Variants in GPHN observed in about 807,000 individuals in gnomAD.
The protein encoded by GPHN is gephyrin.
In GPHN, 17 loss-of-function variants were observed where a neutral mutation model predicts 95.5. The ratio of observed to expected loss-of-function variants is 0.18; its 90% confidence interval spans 0.12 to 0.27. The LOEUF (loss-of-function observed/expected upper bound fraction) is 0.27, where lower values mean the gene tolerates loss of function less well. Ranked by LOEUF, GPHN falls within the 10% of genes least tolerant of loss-of-function variation. GPHN has a pLI of 1.00. For synonymous variants in GPHN, 320 were observed against 322.5 expected (o/e 0.99, Z 0.08); for missense variants, 660 against 978.1 (o/e 0.67, Z 4.34).
the GPHN span, among the ~76,000 whole-genome samples, chr14:67,325,193 C>CTG: frequency 1.3e-5 from 2 of 152,200 alleles, no homozygotes; most frequent in African/African-American, 2.4e-5. Flanking sequence ...GCGTGAGCCA[C>CTG]CAGGCCCAGC....
intron 9 of GPHN, among the ~76,000 whole-genome samples, chr14:66,999,495 T>C (rs116270046): frequency 2.3e-3 from 352 of 152,028 alleles, no homozygotes; most frequent in African/African-American, 8.2e-3. Flanking sequence ...TCTTATTTAG[T>C]CATTTGATAA....
intron 9 of GPHN, among the ~76,000 whole-genome samples, chr14:66,974,683 T>A (rs2070091755): frequency 6.6e-6 from 1 of 152,128 alleles, no homozygotes; most frequent in South Asian, 2.1e-4. Flanking sequence ...ATTTTTAAAA[T>A]TCACATAAAA....
chr14:67,665,057 G>A, the GPHN span, among the ~76,000 whole-genome samples: 8 of 152,232 alleles, frequency 5.3e-5, no homozygotes, highest in South Asian at 1.5e-3. Context: ...GGTAGAGAGG[G>A]GGTTTAACCA....
At chr14:67,452,325 C>CAAAA in the GPHN span, among the ~76,000 whole-genome samples, 2 of 107,914 alleles carry the variant, frequency 1.9e-5, no homozygotes, top group Admixed American at 9.4e-5. Flanking sequence ...GACTCTGTCT[C>CAAAA]AAAAAAAAAA....
At chr14:67,211,525 T>C in the GPHN span, among the ~76,000 whole-genome samples, 2 of 152,184 alleles carry the variant, frequency 1.3e-5, no homozygotes, top group Non-Finnish European at 1.5e-5. Flanking sequence ...ACAATGACCA[T>C]ATTCGAATGT....
At chr14:67,199,889 C>T in the GPHN span, 39 of 1,485,546 alleles carry the variant, frequency 2.6e-5, no homozygotes, top group Non-Finnish European at 3.2e-5. Context: ...GGCCCCCCAT[C>T]GGCAGGAACC....
intron 1 of GPHN, among the ~76,000 whole-genome samples, chr14:66,555,554 A>C (rs537974926): frequency 2.0e-5 from 3 of 152,232 alleles, no homozygotes; most frequent in Admixed American, 2.0e-4. Flanking sequence ...ATGTAGAAAG[A>C]TGGATTTCAT....
chr14:67,203,718 G>C, the GPHN span, among the ~76,000 whole-genome samples: 1 of 151,990 alleles, frequency 6.6e-6, no homozygotes, highest in Admixed American at 6.6e-5. Context: ...ACATTCTGAC[G>C]TGTTTTGTTT....
chr14:67,310,276 GA>G, the GPHN span, among the ~76,000 whole-genome samples: 2 of 152,260 alleles, frequency 1.3e-5, no homozygotes, highest in South Asian at 2.1e-4. Flanking sequence ...CATCTAGAAT[GA>G]GGTTCTTTAG....
At chr14:67,360,300 A>C in the GPHN span, 1 of 398,648 alleles carries the variant, frequency 2.5e-6, no homozygotes, top group East Asian at 3.6e-5. Flanking sequence ...CTATTCGTTC[A>C]GCGCTTGCGC....
chr14:67,342,316 G>A, the GPHN span, among the ~76,000 whole-genome samples: 1 of 151,630 alleles, frequency 6.6e-6, no homozygotes, highest in South Asian at 2.1e-4. Flanking sequence ...TACCCTTCTA[G>A]TGTCTTTTCT....
intron 10 of GPHN, among the ~76,000 whole-genome samples, chr14:67,028,491 T>TA (rs2074034053): frequency 2.0e-5 from 3 of 152,196 alleles, no homozygotes; most frequent in Non-Finnish European, 2.9e-5. Flanking sequence ...CAACAGTGTA[T>TA]AAGAGTTCCC....
chr14:67,664,084 A>ATGTT, the GPHN span, among the ~76,000 whole-genome samples: 11 of 152,256 alleles, frequency 7.2e-5, no homozygotes, highest in South Asian at 4.1e-4. Flanking sequence ...ATCATTTACA[A>ATGTT]TGTTTGTTTG....
intron 1 of GPHN, among the ~76,000 whole-genome samples, chr14:66,525,386 A>C (rs1306414396): frequency 6.6e-6 from 1 of 151,996 alleles, no homozygotes; most frequent in African/African-American, 2.4e-5. Flanking sequence ...TAGATTCTGG[A>C]TATTAGCCCT....
chr14:67,386,263 A>G, the GPHN span: 2 of 152,690 alleles, frequency 1.3e-5, no homozygotes, highest in Non-Finnish European at 2.9e-5. Flanking sequence ...GAATAAGTAA[A>G]ACATTAGCTT....
the GPHN span, among the ~76,000 whole-genome samples, chr14:67,709,334 A>G: frequency 6.6e-6 from 1 of 152,226 alleles, no homozygotes; most frequent in Admixed American, 6.5e-5. Context: ...CCTAATAAAA[A>G]CAGCATGAAG....
the GPHN span, among the ~76,000 whole-genome samples, chr14:67,248,648 T>G: frequency 2.0e-5 from 3 of 152,144 alleles, no homozygotes; most frequent in Non-Finnish European, 2.9e-5. Context: ...TCAACAACTT[T>G]CGGTAAGTAT....
the GPHN span, among the ~76,000 whole-genome samples, chr14:67,370,299 T>C: frequency 6.6e-6 from 1 of 152,364 alleles, no homozygotes; most frequent in East Asian, 1.9e-4. Context: ...GGGGCCAGTT[T>C]ATGGCTAGAT....
chr14:66,543,979 C>T (rs1421512534), intron 1 of GPHN, among the ~76,000 whole-genome samples: 1 of 152,200 alleles, frequency 6.6e-6, no homozygotes, highest in East Asian at 1.9e-4. Context: ...AGTGGCTCTT[C>T]ATTTCACTCA....
Sources: gnomAD v4.1 joint callset for allele counts (sites outside exome capture counted in the v4.1 genomes callset) on GRCh38, gnomAD v4.1.1 for gene constraint, MANE v1.5 for transcripts, NCBI Gene and HGNC (gene_info 2026-07-23, HGNC 2026-07-21) for gene names.